The following CYLD variants were observed in gnomAD, a reference collection of about 807,000 sequenced individuals.
CYLD encodes the protein ubiquitin carboxyl-terminal hydrolase CYLD.
Under a neutral mutation model 104.5 loss-of-function variants are expected in CYLD, and 26 were observed. The observed-to-expected ratio is 0.25, with a 90% CI of 0.18 to 0.35. The LOEUF (loss-of-function observed/expected upper bound fraction) is 0.35, where lower values mean the gene tolerates loss of function less well. Among genes scored for constraint, CYLD ranks in the 10% least tolerant of loss-of-function variants. The probability of loss-of-function intolerance (pLI) is 1.00; values close to 1 mark genes in which losing one functional copy is unlikely to be tolerated. For missense variants in CYLD, 703 were observed against 1,136.1 expected (o/e 0.62, Z 5.48); for synonymous variants, 385 against 399.9 (o/e 0.96, Z 0.45).
intron 4 of CYLD, among the ~76,000 whole-genome samples, chr16:50,752,922 A>G (rs1368767520): frequency 6.6e-6 from 1 of 152,220 alleles, no homozygotes; most frequent in Non-Finnish European, 1.5e-5. Flanking sequence ...TATATTGAAC[A>G]TATGGGCAAG....
chr16:50,795,443 C>A (rs1356422492), intron 18 of CYLD: 2 of 660,006 alleles, frequency 3.0e-6, no homozygotes, highest in Non-Finnish European at 5.5e-6. Context: ...TTAAAGCAGC[C>A]CTGCCTCTAC....
intron 5 of CYLD, among the ~76,000 whole-genome samples, chr16:50,771,543 TGTG>T (rs1969150603): frequency 6.6e-6 from 1 of 152,324 alleles, no homozygotes; most frequent in East Asian, 1.9e-4. Context: ...TGCTGGGTCA[TGTG>T]GTGACTGTGT....
chr16:50,744,332 T>C (rs142005356), intron 2 of CYLD, among the ~76,000 whole-genome samples: 55 of 152,314 alleles, frequency 3.6e-4, no homozygotes, highest in African/African-American at 1.3e-3. Context: ...TCTTTAGCTG[T>C]TTAGAAATAT....
At chr16:50,791,824 T>A in intron 15 of CYLD, 134 bp downstream of exon 15, 1 of 1,010,982 alleles carries the variant, frequency 9.9e-7, no homozygotes, top group Non-Finnish European at 1.5e-6. Flanking sequence ...ACACAAATTT[T>A]AAAAAGTATG....
At chr16:50,770,226 T>A (rs1968996133) in intron 5 of CYLD, among the ~76,000 whole-genome samples, 1 of 152,212 alleles carries the variant, frequency 6.6e-6, no homozygotes, top group Non-Finnish European at 1.5e-5. Flanking sequence ...TAAACTGTTT[T>A]CCAGAGTGAC....
At chr16:50,768,453 A>C (rs1377290254) in intron 5 of CYLD, among the ~76,000 whole-genome samples, 2 of 152,168 alleles carry the variant, frequency 1.3e-5, no homozygotes, top group African/African-American at 2.4e-5. Flanking sequence ...TTTAAAAAAG[A>C]AAAAAGATTC....
In CYLD at chr16:50,781,269, G is replaced by A. The variant is rs767562333; in HGVS notation, c.1542G>A (p.Thr514=). ...LELEDECAGC[T]DGTFRGTRYF... is the part of the protein sequence containing the mutation. ...AGGAAGATGAGTGTGCAGGCTGTAC[G>A]GATGGAACCTTCAGAGGCACTCGGT... is the stretch of plus-strand genomic sequence containing the variant. The change falls in exon 10 of 19, where the codon ACG becomes ACA. Residue 514 remains threonine, a synonymous_variant. Coordinates refer to ENST00000427738, the MANE Select transcript of CYLD (RefSeq NM_001378743.1). The A allele has an allele frequency of 3.1e-6, 5 of 1,613,910 alleles. No homozygotes were observed. The highest frequency in any genetic ancestry group is 1.1e-5 in the South Asian group (1 of 91,070).
intron 9 of CYLD, 50 bp downstream of exon 9, chr16:50,780,094 G>T: frequency 1.2e-6 from 2 of 1,606,128 alleles, no homozygotes; most frequent in African/African-American, 1.3e-5. Flanking sequence ...GTGAGGTTTT[G>T]TGCAGATTTC....
chr16:50,789,549 AC>A (rs1175883615), intron 14 of CYLD, among the ~76,000 whole-genome samples: 2 of 151,890 alleles, frequency 1.3e-5, no homozygotes, highest in Non-Finnish European at 2.9e-5. Flanking sequence ...AAGTTCTTAC[AC>A]CCCCTGAAGG....
intron 18 of CYLD, 94 bp from the exon 19 acceptor site, chr16:50,796,230 A>T: frequency 4.6e-6 from 6 of 1,292,868 alleles, no homozygotes; most frequent in Non-Finnish European, 6.6e-6. Context: ...TAGAGCCTGA[A>T]ATTAGCTTTT....
intron 5 of CYLD, among the ~76,000 whole-genome samples, chr16:50,767,477 T>TTC (rs1456943936): frequency 1.3e-5 from 2 of 151,598 alleles, no homozygotes; most frequent in African/African-American, 4.8e-5. Flanking sequence ...TTTTTTTTTT[T>TTC]TTTAATTTCC....
Position 50,749,838 on chromosome 16 carries a change from G to C in CYLD, c.140G>C (p.Gly47Ala). ...CTTAAAGTACCGAAGGGAAGTATAG[G>C]ACAGTATATTCAAGATCGTTCTGTG... ...KLLKVPKGSI[G>A]QYIQDRSVGH... Residue 47 changes from glycine to alanine, a missense_variant, in exon 3 of 19, where the codon GGA (glycine) becomes GCA (alanine). Gly to Ala is a moderately conservative substitution (Grantham distance 60, BLOSUM62 0). Transcript: ENST00000427738. 1 of 1,614,150 alleles carries C rather than the reference G, an allele frequency of 6.2e-7. No individual in the cohort carries two copies. Among genetic ancestry groups the C allele is most frequent in the Non-Finnish European group, 8.5e-7 (1 of 1,180,024 alleles).
chr16:50,778,566 A>C (rs1381863935), intron 8 of CYLD, among the ~76,000 whole-genome samples: 2 of 152,224 alleles, frequency 1.3e-5, no homozygotes, highest in East Asian at 3.8e-4. Context: ...GCAGTGACAC[A>C]TGCTTAGGTT....
intron 3 of CYLD, among the ~76,000 whole-genome samples, chr16:50,751,347 C>T (rs1022403534): frequency 3.9e-5 from 6 of 152,126 alleles, no homozygotes; most frequent in Admixed American, 1.3e-4. Context: ...AGAATCACAA[C>T]GTGGAATTCA....
chr16:50,769,907 C>T (rs891555075), intron 5 of CYLD, among the ~76,000 whole-genome samples: 1 of 152,166 alleles, frequency 6.6e-6, no homozygotes, highest in Non-Finnish European at 1.5e-5. Flanking sequence ...CAGTATGTAA[C>T]CTTTTGAGAC....
At chr16:50,766,503 T>A (rs2150956043) in intron 5 of CYLD, among the ~76,000 whole-genome samples, 1 of 152,296 alleles carries the variant, frequency 6.6e-6, no homozygotes. Flanking sequence ...GATCAAGGAG[T>A]AATTTCTATT....
chr16:50,742,639 T>C (rs1028668239), intron 1 of CYLD, 123 bp from the exon 2 acceptor site: 3 of 351,258 alleles, frequency 8.5e-6, no homozygotes, highest in Non-Finnish European at 5.1e-6. Flanking sequence ...GGGGCTGTGA[T>C]TCCTACCGAC....
rs765020432 is a variant in CYLD, at chr16:50,793,580, A to G, written c.2385A>G (p.Ala795=). Residue 795 remains alanine, a synonymous_variant, in exon 17 of 19, where the codon GCA becomes GCG. Transcript: ENST00000427738. ...AGTGCCGGATATGTGGAGGGCTTGC[A>G]ATGTATGAGTGTAGAGAATGCTACG... is the stretch of plus-strand genomic sequence containing the variant. ...PRQCRICGGL[A]MYECRECYDD... 6.2e-7 allele frequency: 1 copy of G among 1,614,010 alleles called. No homozygotes were observed. The highest frequency in any genetic ancestry group is 8.5e-7 in the Non-Finnish European group (1 of 1,179,946).
chr16:50,747,698 A>T (rs967163901), intron 2 of CYLD, among the ~76,000 whole-genome samples: 3 of 151,778 alleles, frequency 2.0e-5, no homozygotes, highest in Non-Finnish European at 2.9e-5. Context: ...AGGTTTCCAC[A>T]GGTGTCTTAT....
Sources: gnomAD v4.1 joint callset for allele counts (sites outside exome capture counted in the v4.1 genomes callset) on GRCh38, gnomAD v4.1.1 for gene constraint, MANE v1.5 for transcripts, NCBI Gene and HGNC (gene_info 2026-07-23, HGNC 2026-07-21) for gene names.